The following DCAF6 variants were observed in gnomAD, a reference collection of about 807,000 sequenced individuals.
DCAF6 encodes DDB1 and CUL4 associated factor 6.
In DCAF6, 54 loss-of-function variants were observed where a neutral mutation model predicts 125.1. The observed-to-expected ratio is 0.43, with a 90% CI of 0.35 to 0.54. DCAF6 has a LOEUF of 0.54. Among genes scored for constraint, DCAF6 ranks in the 20% least tolerant of loss-of-function variants. The pLI is 0.01. For synonymous variants in DCAF6, 371 were observed against 390.4 expected (o/e 0.95, Z 0.58); for missense variants, 934 against 1,161.7 (o/e 0.80, Z 2.85).
In DCAF6 at chr1:168,035,437, ACT is replaced by A. The variant is rs940566154; in HGVS notation, c.1610-2931_1610-2930del. Among the ~76,000 whole-genome samples, 6 of 152,220 alleles carry A rather than the reference ACT, an allele frequency of 3.9e-5. No homozygotes were observed. The East Asian group carries it at 7.7e-4, about 20-fold the overall frequency. On this transcript the variant is annotated intron_variant, in intron 12 of 21. Transcript: ENST00000367840. ...ACTCCAACCTGGACGACGGAGTGAG[ACT>A]CTGTCTCAAAACAAAAACAAAAACA...
chr1:168,021,121 GT>G (rs889065717), intron 11 of DCAF6, among the ~76,000 whole-genome samples: 1 of 151,972 alleles, frequency 6.6e-6, no homozygotes, highest in Non-Finnish European at 1.5e-5. Context: ...TTCATTAATA[GT>G]TTTTTCCCCG....
the DCAF6 span, among the ~76,000 whole-genome samples, chr1:167,891,810 C>T: frequency 1.2e-4 from 19 of 152,216 alleles, no homozygotes; most frequent in Middle Eastern, 6.8e-3. Context: ...GATTCTTCAA[C>T]GACAATGTGA....
the DCAF6 span, among the ~76,000 whole-genome samples, chr1:167,909,009 G>T: frequency 2.6e-5 from 4 of 152,184 alleles, no homozygotes; most frequent in Non-Finnish European, 4.4e-5. Flanking sequence ...CCCATTCATA[G>T]CAAGAAGGAA....
At chr1:167,867,350 G>T in the DCAF6 span, among the ~76,000 whole-genome samples, 1 of 152,046 alleles carries the variant, frequency 6.6e-6, no homozygotes, top group Non-Finnish European at 1.5e-5. Context: ...ACTCATCACG[G>T]GACTCATTTT....
At chr1:167,893,713 AAAAAAAG>A in the DCAF6 span, 1 of 549,146 alleles carries the variant, frequency 1.8e-6, no homozygotes, top group Non-Finnish European at 3.3e-6. Flanking sequence ...AAAAAAAAAA[AAAAAAAG>A]GAAGTCTTTT....
At chr1:167,982,516 C>G (rs1488344048) in intron 4 of DCAF6, among the ~76,000 whole-genome samples, 1 of 152,152 alleles carries the variant, frequency 6.6e-6, no homozygotes, top group Non-Finnish European at 1.5e-5. Flanking sequence ...GCTGAGATTA[C>G]AGGCATGACA....
the DCAF6 span, chr1:167,893,720 G>T: frequency 5.2e-6 from 2 of 386,576 alleles, no homozygotes; most frequent in Non-Finnish European, 9.4e-6. Flanking sequence ...AAAAAAAAAA[G>T]GAAGTCTTTT....
chr1:167,927,316 C>T, the DCAF6 span, among the ~76,000 whole-genome samples: 12 of 152,172 alleles, frequency 7.9e-5, no homozygotes, highest in East Asian at 2.3e-3. Flanking sequence ...TGCATTAATC[C>T]TATAAGTCAG....
the DCAF6 span, among the ~76,000 whole-genome samples, chr1:167,883,118 A>C: frequency 6.6e-6 from 1 of 152,108 alleles, no homozygotes; most frequent in African/African-American, 2.4e-5. Flanking sequence ...GCTCACTGCA[A>C]CCTCCGCCTC....
At chr1:168,026,712 G>A (rs532071041) in intron 12 of DCAF6, among the ~76,000 whole-genome samples, 2 of 151,460 alleles carry the variant, frequency 1.3e-5, no homozygotes, top group East Asian at 3.9e-4. Context: ...AAGTATGTGA[G>A]TTTTTTTTTA....
At chr1:168,044,134 C>T (rs543967566) in intron 14 of DCAF6, among the ~76,000 whole-genome samples, 3 of 152,094 alleles carry the variant, frequency 2.0e-5, no homozygotes, top group African/African-American at 7.2e-5. Context: ...TACATATTTG[C>T]CTTGTACTGA....
the DCAF6 span, among the ~76,000 whole-genome samples, chr1:167,928,894 C>T: frequency 6.6e-6 from 1 of 152,156 alleles, no homozygotes; most frequent in Non-Finnish European, 1.5e-5. Context: ...CCTCATAAGA[C>T]ATTAATTTAT....
the DCAF6 span, among the ~76,000 whole-genome samples, chr1:167,884,905 T>C: frequency 4.6e-5 from 7 of 151,964 alleles, no homozygotes; most frequent in African/African-American, 1.4e-4. Context: ...ACTGTGTTAG[T>C]CAGACTGGTC....
At chr1:167,922,450 T>C in the DCAF6 span, among the ~76,000 whole-genome samples, 176 of 152,254 alleles carry the variant, frequency 1.2e-3, 1 homozygote, top group Non-Finnish European at 1.5e-3. Context: ...ACTCTTTTAA[T>C]GATTGAATAC....
the DCAF6 span, among the ~76,000 whole-genome samples, chr1:167,872,345 A>G: frequency 6.7e-6 from 1 of 148,558 alleles, no homozygotes; most frequent in Admixed American, 6.8e-5. Context: ...TCTCAAAAAA[A>G]ATAAAGTTTC....
chr1:168,062,972 C>T (rs10918818), intron 17 of DCAF6, among the ~76,000 whole-genome samples: 4,288 of 148,214 alleles, frequency 0.029, 215 homozygotes, highest in African/African-American at 0.1. Flanking sequence ...AGTGCAGTGG[C>T]GCGATCTCGG....
At chr1:168,062,697 C>A (rs746296638) in intron 17 of DCAF6, among the ~76,000 whole-genome samples, 2 of 151,698 alleles carry the variant, frequency 1.3e-5, no homozygotes, top group Non-Finnish European at 2.9e-5. Flanking sequence ...TAAATTCAAA[C>A]TGACAAAATT....
intron 16 of DCAF6, among the ~76,000 whole-genome samples, chr1:168,049,647 T>A (rs971494363): frequency 6.1e-5 from 5 of 82,440 alleles, no homozygotes. Flanking sequence ...CTGCATATAA[T>A]TTTTTTTTTT....
intron 17 of DCAF6, among the ~76,000 whole-genome samples, 177 bp from the exon 18 acceptor site, chr1:168,063,444 C>T (rs1477208101): frequency 6.6e-6 from 1 of 152,142 alleles, no homozygotes; most frequent in African/African-American, 2.4e-5. Context: ...GTTGTAGTAA[C>T]TCAACTAGTC....
Sources: allele counts gnomAD v4.1 joint callset (sites outside exome capture counted in the v4.1 genomes callset), GRCh38; gene constraint gnomAD v4.1.1; transcripts MANE v1.5; gene names NCBI Gene and HGNC (gene_info 2026-07-23, HGNC 2026-07-21).